The following NRG3 variants were observed in gnomAD, a reference collection of about 807,000 sequenced individuals.
NRG3 encodes pro-neuregulin-3, membrane-bound isoform.
Under a neutral mutation model 66.9 loss-of-function variants are expected in NRG3, and 31 were observed. The observed-to-expected ratio is 0.46, with a 90% confidence interval of 0.35 to 0.63. The LOEUF (loss-of-function observed/expected upper bound fraction) is 0.63. Among genes scored for constraint, NRG3 ranks in the 20% least tolerant of loss-of-function variants. The pLI is 0.00. For synonymous variants in NRG3, 393 were observed against 359.4 expected (o/e 1.09, Z -1.06); for missense variants, 910 against 878.9 (o/e 1.04, Z -0.45).
chr10:82,942,973 T>TA (rs371183278), intron 4 of NRG3, among the ~76,000 whole-genome samples: 22 of 147,918 alleles, frequency 1.5e-4, no homozygotes, highest in South Asian at 6.4e-4. Context: ...AAAAATGAGT[T>TA]AAAAAAAAAA....
chr10:82,836,113 T>G (rs2135712750), intron 3 of NRG3, among the ~76,000 whole-genome samples: 1 of 152,326 alleles, frequency 6.6e-6, no homozygotes, highest in Non-Finnish European at 1.5e-5. Flanking sequence ...TGTCAGTGTC[T>G]GTAAATAAAA....
intron 2 of NRG3, among the ~76,000 whole-genome samples, chr10:82,359,828 T>C (rs990446731): frequency 3.3e-5 from 5 of 152,204 alleles, no homozygotes; most frequent in Non-Finnish European, 7.3e-5. Flanking sequence ...TAAAACTCTA[T>C]TCCCATGTTG....
chr10:82,456,447 G>A (rs905282770), intron 2 of NRG3, among the ~76,000 whole-genome samples: 1 of 152,014 alleles, frequency 6.6e-6, no homozygotes, highest in Non-Finnish European at 1.5e-5. Flanking sequence ...GATTACAGGT[G>A]TCTTTTACTT....
intron 4 of NRG3, among the ~76,000 whole-genome samples, chr10:82,920,651 A>T (rs1846337155): frequency 2.0e-5 from 3 of 152,238 alleles, no homozygotes; most frequent in Admixed American, 1.3e-4. Context: ...TAAGTGGCTT[A>T]TTCTAGGACT....
chr10:82,130,097 G>T (rs1471822776), intron 1 of NRG3, among the ~76,000 whole-genome samples: 1 of 151,784 alleles, frequency 6.6e-6, no homozygotes, highest in Admixed American at 6.6e-5. Context: ...GTGAGAACAT[G>T]CAAAGTTTGT....
chr10:82,861,782 G>A lies in NRG3; in HGVS notation c.1028-3629G>A, dbSNP rs187434032. Among the ~76,000 whole-genome samples the A allele has an allele frequency of 4.0e-3, 611 of 152,200 alleles. 5 individuals carry two copies. Among genetic ancestry groups the A allele is most frequent in the Non-Finnish European group, 6.1e-3 (415 of 67,990 alleles). On this transcript the variant is annotated intron_variant, in intron 3 of 8. Transcript: ENST00000372141. ...TTTCTAATTACCCTCTCATGTCATG[G>A]AACACCTGTGGTCCACTGTTTGAGA...
chr10:82,959,552 G>A (rs1850404850), intron 6 of NRG3, among the ~76,000 whole-genome samples: 1 of 152,180 alleles, frequency 6.6e-6, no homozygotes, highest in South Asian at 2.1e-4. Flanking sequence ...CTTGGGGGCT[G>A]CCTCACAACA....
intron 2 of NRG3, among the ~76,000 whole-genome samples, chr10:82,657,125 G>C (rs2051933891): frequency 6.6e-6 from 1 of 152,122 alleles, no homozygotes; most frequent in Admixed American, 6.5e-5. Flanking sequence ...TGCCTACCTT[G>C]AAATCCTCAT....
chr10:82,316,849 T>C (rs9971261), intron 1 of NRG3, among the ~76,000 whole-genome samples: 6,642 of 152,270 alleles, frequency 0.044, 232 homozygotes, highest in African/African-American at 0.11. Context: ...GGTTTACCTA[T>C]GGAGCAAGAG....
chr10:82,943,361 C>T (rs978920875), intron 4 of NRG3, among the ~76,000 whole-genome samples: 3 of 152,100 alleles, frequency 2.0e-5, no homozygotes, highest in African/African-American at 7.2e-5. Flanking sequence ...GTGGAGTTGG[C>T]TCAGGGTAAG....
At chr10:82,127,795 A>G (rs1363650763) in intron 1 of NRG3, among the ~76,000 whole-genome samples, 1 of 151,890 alleles carries the variant, frequency 6.6e-6, no homozygotes, top group African/African-American at 2.4e-5. Context: ...AAATGCAAGC[A>G]TTTCAGAGAC....
intron 1 of NRG3, among the ~76,000 whole-genome samples, chr10:82,054,015 G>T (rs540418675): frequency 6.6e-6 from 1 of 152,296 alleles, no homozygotes; most frequent in Non-Finnish European, 1.5e-5. Flanking sequence ...GTAAGCAAAG[G>T]TTAGAGAATG....
chr10:82,495,908 A>G (rs1843587665), intron 2 of NRG3, among the ~76,000 whole-genome samples: 1 of 152,070 alleles, frequency 6.6e-6, no homozygotes, highest in Non-Finnish European at 1.5e-5. Context: ...AAACATTCTC[A>G]GTGAGTTCTT....
At chr10:82,897,085 C>T (rs1170126597) in intron 4 of NRG3, among the ~76,000 whole-genome samples, 1 of 152,178 alleles carries the variant, frequency 6.6e-6, no homozygotes, top group Non-Finnish European at 1.5e-5. Flanking sequence ...CTGTGTATGT[C>T]TCTGAACAAC....
At chr10:81,917,716 T>A (rs1183591413) in intron 1 of NRG3, among the ~76,000 whole-genome samples, 1 of 152,208 alleles carries the variant, frequency 6.6e-6, no homozygotes, top group Non-Finnish European at 1.5e-5. Flanking sequence ...AGCACATAGA[T>A]ACAGTTTGTC....
At chr10:82,759,733 G>A (rs2059226839) in intron 3 of NRG3, among the ~76,000 whole-genome samples, 1 of 152,134 alleles carries the variant, frequency 6.6e-6, no homozygotes, top group Non-Finnish European at 1.5e-5. Flanking sequence ...ACATACAAGT[G>A]TTTGAGACAA....
intron 2 of NRG3, among the ~76,000 whole-genome samples, chr10:82,436,136 G>T (rs2090126771): frequency 6.6e-6 from 1 of 152,086 alleles, no homozygotes; most frequent in African/African-American, 2.4e-5. Flanking sequence ...TGACATTGGG[G>T]TGTTAAAGTC....
chr10:81,875,654 C>G lies in NRG3; in HGVS notation c.314C>G (p.Ser105Cys). ...KEYVPTDLVD[S>C]KGMGQDPFFL... ...TACGTGCCCACCGACCTAGTGGACT[C>G]CAAGGGGATGGGCCAGGACCCCTTC... Residue 105 changes from serine (S) to cysteine (C), a missense_variant, in exon 1 of 9, where the codon TCC becomes TGC. By Grantham distance (112) the Ser-to-Cys change is moderately radical (BLOSUM62 -1). Transcript: ENST00000372141. The surrounding 1 kb of genome is among the most constrained non-coding windows in gnomAD (Gnocchi z 5.3). 1 of 1,613,896 alleles carries G rather than the reference C, an allele frequency of 6.2e-7. No homozygotes were observed. The highest frequency in any genetic ancestry group is 8.5e-7 in the Non-Finnish European group (1 of 1,179,954).
intron 2 of NRG3, among the ~76,000 whole-genome samples, chr10:82,603,816 G>A (rs1319482983): frequency 6.6e-6 from 1 of 152,082 alleles, no homozygotes; most frequent in East Asian, 1.9e-4. Context: ...CAAAAAACTT[G>A]TCTTTTCTCT....
Sources: allele counts gnomAD v4.1 joint callset (sites outside exome capture counted in the v4.1 genomes callset), GRCh38; gene constraint gnomAD v4.1.1; non-coding constraint Gnocchi (gnomAD v3.1); transcripts MANE v1.5; gene names NCBI Gene and HGNC (gene_info 2026-07-23, HGNC 2026-07-21).